The following CACNB4 variants were observed in gnomAD, a reference collection of about 807,000 sequenced individuals.
CACNB4 encodes calcium voltage-gated channel auxiliary subunit beta 4, also known as voltage-dependent L-type calcium channel subunit beta-4.
Under a neutral mutation model 71.2 loss-of-function variants are expected in CACNB4, and 32 were observed. The observed-to-expected ratio is 0.45, with a 90% CI of 0.34 to 0.60. The LOEUF (loss-of-function observed/expected upper bound fraction) is 0.60, where lower values mean the gene tolerates loss of function less well. Ranked by LOEUF, CACNB4 falls within the 20% of genes least tolerant of loss-of-function variation. The pLI, the probability that CACNB4 is intolerant of heterozygous loss-of-function variation, is 0.01. For missense variants in CACNB4, 464 were observed against 647.9 expected, an observed-to-expected ratio of 0.72 and a Z score of 3.08; for synonymous variants, 231 against 236.9, an observed-to-expected ratio of 0.97 and a Z score of 0.23.
At chr2:151,976,216 G>A (rs1263107644) in intron 2 of CACNB4, among the ~76,000 whole-genome samples, 3 of 152,216 alleles carry the variant, frequency 2.0e-5, no homozygotes, top group Non-Finnish European at 2.9e-5. Flanking sequence ...CTGCTTTCCA[G>A]GAAGTCAGAA....
chr2:152,044,964 G>C (rs1332981321), intron 2 of CACNB4, among the ~76,000 whole-genome samples: 1 of 152,170 alleles, frequency 6.6e-6, no homozygotes, highest in East Asian at 1.9e-4. Context: ...GGAAGAGACG[G>C]TGGGGGGTTG....
chr2:151,974,714 C>T (rs1039607936), intron 2 of CACNB4, among the ~76,000 whole-genome samples: 2 of 151,964 alleles, frequency 1.3e-5, no homozygotes, highest in African/African-American at 2.4e-5. Flanking sequence ...AGACTCCCTC[C>T]ACCTGCTGCT....
chr2:152,007,059 A>G (rs1003497587), intron 2 of CACNB4, among the ~76,000 whole-genome samples: 7 of 152,174 alleles, frequency 4.6e-5, no homozygotes, highest in African/African-American at 1.7e-4. Flanking sequence ...ATGAGTTAAT[A>G]AGTACTTTGT....
chr2:152,016,708 G>A (rs1049307853), intron 2 of CACNB4, among the ~76,000 whole-genome samples: 1 of 152,162 alleles, frequency 6.6e-6, no homozygotes, highest in East Asian at 1.9e-4. Flanking sequence ...ACGTTTGCAC[G>A]CTCAGGCACA....
intron 2 of CACNB4, among the ~76,000 whole-genome samples, chr2:152,006,845 A>G (rs555379478): frequency 1.3e-5 from 2 of 152,264 alleles, no homozygotes; most frequent in African/African-American, 2.4e-5. Context: ...GCCAGCTCCT[A>G]TCTATCTAGA....
intron 2 of CACNB4, among the ~76,000 whole-genome samples, chr2:151,922,111 C>T (rs1447655063): frequency 1.3e-5 from 2 of 152,220 alleles, no homozygotes; most frequent in Non-Finnish European, 2.9e-5. Flanking sequence ...CCCTCTTCCA[C>T]TCACAAGAAC....
chr2:151,907,366 GA>G (rs1421319464), intron 2 of CACNB4, among the ~76,000 whole-genome samples: 1 of 152,072 alleles, frequency 6.6e-6, no homozygotes, highest in Non-Finnish European at 1.5e-5. Context: ...TTACTGGAAA[GA>G]AAAAATATAG....
intron 2 of CACNB4, among the ~76,000 whole-genome samples, chr2:152,041,665 T>C (rs1184238294): frequency 1.3e-5 from 2 of 152,202 alleles, no homozygotes; most frequent in Non-Finnish European, 2.9e-5. Context: ...ATGGAGATTA[T>C]ATTGTCGGAG....
intron 2 of CACNB4, among the ~76,000 whole-genome samples, chr2:152,004,468 A>G (rs1240927747): frequency 6.6e-6 from 1 of 152,014 alleles, no homozygotes; most frequent in African/African-American, 2.4e-5. Context: ...ACCAATGTGC[A>G]AGAGCAGGTC....
intron 2 of CACNB4, among the ~76,000 whole-genome samples, chr2:152,026,082 T>A (rs1231904698): frequency 6.6e-6 from 1 of 152,176 alleles, no homozygotes; most frequent in East Asian, 1.9e-4. Context: ...TTGGCATGAA[T>A]GTCCACAGAG....
chr2:152,082,478 C>T (rs1175596624), intron 2 of CACNB4, among the ~76,000 whole-genome samples: 2 of 152,154 alleles, frequency 1.3e-5, no homozygotes, highest in Non-Finnish European at 2.9e-5. Flanking sequence ...TGCTTGAGTC[C>T]CGCAGTCAGC....
At chr2:152,019,647 T>A (rs1171560671) in intron 2 of CACNB4, among the ~76,000 whole-genome samples, 2 of 152,130 alleles carry the variant, frequency 1.3e-5, no homozygotes, top group African/African-American at 4.8e-5. Context: ...AGAAAGATGA[T>A]ATCTCCCCAA....
At chr2:151,983,675 T>TCTCTCACACA (rs35313966) in intron 2 of CACNB4, among the ~76,000 whole-genome samples, 37 of 141,540 alleles carry the variant, frequency 2.6e-4, no homozygotes, top group Admixed American at 5.5e-4. Flanking sequence ...TAAACTTTGG[T>TCTCTCACACA]CACACACACA....
intron 2 of CACNB4, among the ~76,000 whole-genome samples, chr2:151,902,685 A>G (rs1354717335): frequency 9.0e-6 from 1 of 110,622 alleles, no homozygotes; most frequent in African/African-American, 2.5e-5. Context: ...TTCTGTCTTA[A>G]TTTATATTTT....
chr2:151,893,430 T>C (rs559256179), intron 2 of CACNB4, among the ~76,000 whole-genome samples: 3 of 152,226 alleles, frequency 2.0e-5, no homozygotes, highest in South Asian at 4.1e-4. Flanking sequence ...TTCATAAAGA[T>C]GGGGTTTTGC....
At chr2:151,892,337 A>G (rs2099850916) in intron 2 of CACNB4, among the ~76,000 whole-genome samples, 1 of 152,004 alleles carries the variant, frequency 6.6e-6, no homozygotes, top group Non-Finnish European at 1.5e-5. Context: ...TGTTTCCCCT[A>G]AAAGTAGCTT....
In CACNB4 at chr2:151,950,361, C is replaced by G. The variant is rs577985868; in HGVS notation, c.148-66991G>C. Among the ~76,000 whole-genome samples, 10 of 152,308 alleles carry G rather than the reference C, an allele frequency of 6.6e-5. No homozygotes were observed. In the South Asian group the frequency reaches 2.1e-3, roughly 32 times the overall value. ...CTTCATTGATGTCTGCTCTAAAGAT[C>G]TCTATCAAAACTAATGGCCCATGCT... On this transcript the variant is annotated intron_variant, in intron 2 of 13. Coordinates refer to ENST00000539935, the MANE Select transcript of CACNB4 (RefSeq NM_000726.5).
intron 2 of CACNB4, among the ~76,000 whole-genome samples, chr2:151,925,075 T>C (rs570124156): frequency 2.0e-5 from 3 of 152,350 alleles, no homozygotes; most frequent in South Asian, 2.1e-4. Context: ...AGAATATCCA[T>C]TGGATTTTAT....
intron 2 of CACNB4, among the ~76,000 whole-genome samples, chr2:152,096,223 CCTGTAAT>C (rs1292055412): frequency 1.3e-5 from 2 of 152,058 alleles, no homozygotes; most frequent in African/African-American, 4.8e-5. Flanking sequence ...GTGGCTCACG[CCTGTAAT>C]CCCAGCACTT....
Sources: allele counts gnomAD v4.1 joint callset (sites outside exome capture counted in the v4.1 genomes callset), GRCh38; gene constraint gnomAD v4.1.1; transcripts MANE v1.5; gene names NCBI Gene and HGNC (gene_info 2026-07-23, HGNC 2026-07-21).